ZNF592: variants seen among roughly 807,000 people sequenced by gnomAD.
ZNF592 encodes spinocerebellar ataxia, autosomal recessive 5.
ZNF592 carries 11 observed loss-of-function variants against 80.3 expected under a neutral mutation model. That is an observed-to-expected ratio of 0.14 (90% confidence interval 0.09 to 0.23). ZNF592 has a LOEUF of 0.23. Ranked by LOEUF, ZNF592 falls within the 10% of genes least tolerant of loss-of-function variation. The pLI, the probability that ZNF592 is intolerant of heterozygous loss-of-function variation, is 1.00. For missense variants in ZNF592, 1,420 were observed against 1,633.9 expected, an observed-to-expected ratio of 0.87 and a Z score of 2.26; for synonymous variants, 646 against 640.3, an observed-to-expected ratio of 1.01 and a Z score of -0.13.
chr15:84,784,257 C>G lies in ZNF592; in HGVS notation c.1582C>G (p.Arg528Gly). The G allele has an allele frequency of 6.2e-7, 1 of 1,614,246 alleles. No homozygotes were observed. The change falls in exon 4 of 11, where the codon CGG (arginine) becomes GGG (glycine). Residue 528 changes from arginine to glycine, a missense_variant. By Grantham distance (125) the Arg-to-Gly change is moderately radical. Around this residue, in one of 7 missense-constraint regions of ZNF592, gnomAD observed 524 missense variants for 628.3 expected, o/e 0.83. Transcript: ENST00000560079. The surrounding 1 kb of genome is among the most constrained non-coding windows in gnomAD (Gnocchi z 5.8). ...GACAGCCAAGTCTTCAGTGCAAAGA[C>G]GGAGCCAGCCACAGCTTACACAAAT... ...SVTAKSSVQRRSQPQLTQMSV... is the reference protein window; with the variant it reads ...SVTAKSSVQRGSQPQLTQMSV...
At chr15:84,779,128 G>C (rs1962350474) in intron 3 of ZNF592, among the ~76,000 whole-genome samples, 2 of 152,136 alleles carry the variant, frequency 1.3e-5, no homozygotes, top group Admixed American at 6.6e-5. Flanking sequence ...CTCTATAAGG[G>C]CTTTTTATGT....
intron 3 of ZNF592, among the ~76,000 whole-genome samples, chr15:84,780,534 C>T (rs1962390290): frequency 6.6e-6 from 1 of 152,180 alleles, no homozygotes; most frequent in African/African-American, 2.4e-5. Flanking sequence ...GTGGGGTATT[C>T]TGCCAACCCA....
intron 2 of ZNF592, among the ~76,000 whole-genome samples, chr15:84,766,706 A>AGTTGTGT (rs1899534131): frequency 7.1e-6 from 1 of 140,140 alleles, no homozygotes; most frequent in Non-Finnish European, 1.5e-5. Flanking sequence ...GATGAGAAAG[A>AGTTGTGT]GTGTGTGTGT....
chr15:84,777,552 G>T (rs1009995656), intron 2 of ZNF592, among the ~76,000 whole-genome samples: 2 of 151,700 alleles, frequency 1.3e-5, no homozygotes, highest in African/African-American at 4.8e-5. Context: ...GGCTCAAGCG[G>T]TCATCCCACC....
chr15:84,778,685 C>A (rs968398242), intron 3 of ZNF592, among the ~76,000 whole-genome samples: 1 of 152,162 alleles, frequency 6.6e-6, no homozygotes, highest in Non-Finnish European at 1.5e-5. Flanking sequence ...AACATTTCCC[C>A]CTGTGGAGAT....
Position 84,784,391 on chromosome 15 carries a change from C to T in ZNF592, c.1716C>T (p.Leu572=), listed in dbSNP as rs779211960. 12 of 1,614,114 alleles carry T rather than the reference C, an allele frequency of 7.4e-6. No individual in the cohort carries two copies. ...SNPVPLYAPN[L]SPPADSRIHV... ...CCGTGCCCCTCTATGCGCCAAATCT[C>T]AGCCCGCCTGCGGACAGCAGGATCC... Residue 572 remains leucine, a synonymous_variant, in exon 4 of 11, where the codon CTC becomes CTT. Coordinates refer to ENST00000560079, the MANE Select transcript of ZNF592 (RefSeq NM_014630.3). This position sits in a 1 kb window ranked among gnomAD's most constrained non-coding sequence, Gnocchi z 5.8.
intron 5 of ZNF592, among the ~76,000 whole-genome samples, chr15:84,794,549 C>T (rs369544056): frequency 6.6e-5 from 10 of 151,968 alleles, no homozygotes; most frequent in African/African-American, 2.2e-4. Flanking sequence ...TATCTCAGCT[C>T]ACTGCAACCT....
Position 84,799,150 on chromosome 15 carries a change from A to G in ZNF592, c.3077A>G (p.Asn1026Ser). Reference protein sequence around the residue: ...RQCEQSFHTPNSLRKHIRNNH... With the variant: ...RQCEQSFHTPSSLRKHIRNNH... ...TGTGAACAGTCCTTCCACACCCCCA[A>G]CAGCCTGCGCAAACACATCCGCAAC... Residue 1026 changes from asparagine (N) to serine (S), a missense_variant, in exon 9 of 11, where the codon AAC becomes AGC. Asn to Ser is a conservative substitution (Grantham distance 46). Around this residue, in one of 7 missense-constraint regions of ZNF592, gnomAD observed 331 missense variants for 347.0 expected, o/e 0.95. Transcript: ENST00000560079. This position sits in a 1 kb window ranked among gnomAD's most constrained non-coding sequence, Gnocchi z 4.2. 4.3e-6 allele frequency: 7 copies of G among 1,614,154 alleles called. No individual in the cohort carries two copies. The highest frequency in any genetic ancestry group is 5.9e-6 in the Non-Finnish European group (7 of 1,180,024).
At chr15:84,801,181 T>C (rs1222417529) in intron 10 of ZNF592, among the ~76,000 whole-genome samples, 1 of 152,176 alleles carries the variant, frequency 6.6e-6, no homozygotes, top group African/African-American at 2.4e-5. Context: ...ATAAATTAGC[T>C]GGGTGTGGTG....
At chr15:84,790,664 A>T (rs373072799) in intron 4 of ZNF592, 41 bp from the exon 5 acceptor site, 2 of 1,609,776 alleles carry the variant, frequency 1.2e-6, no homozygotes, top group East Asian at 4.5e-5. Context: ...CCACAGGCCT[A>T]TGGCCCCTGC....
chr15:84,773,786 G>A (rs1962162821), intron 2 of ZNF592, among the ~76,000 whole-genome samples: 1 of 151,752 alleles, frequency 6.6e-6, no homozygotes, highest in Admixed American at 6.6e-5. Flanking sequence ...TCATTAGAAA[G>A]CCCTTTCATT....
chr15:84,799,300 G>A lies in ZNF592; in HGVS notation c.3137+90G>A, dbSNP rs1963026567. 1.5e-6 allele frequency: 2 copies of A among 1,294,318 alleles called. No homozygotes were observed. Among genetic ancestry groups the A allele is most frequent in the African/African-American group, 1.5e-5 (1 of 68,642 alleles). The allele number at this position is 1,294,318 out of a possible 1,614,324, so 80.2% of individuals were successfully genotyped here. On this transcript the variant is annotated intron_variant, in intron 9 of 10. Transcript: ENST00000560079. This position sits in a 1 kb window ranked among gnomAD's most constrained non-coding sequence, Gnocchi z 4.2. ...GGGGCTTTTCTGTGCTGCAAGATCAGGTGTCTAAGACAAGAGACAAGTGAT... is the reference window on the plus strand; with the variant it reads ...GGGGCTTTTCTGTGCTGCAAGATCAAGTGTCTAAGACAAGAGACAAGTGAT...
At chr15:84,767,857 T>C (rs1290437257) in intron 2 of ZNF592, among the ~76,000 whole-genome samples, 1 of 151,920 alleles carries the variant, frequency 6.6e-6, no homozygotes, top group Admixed American at 6.6e-5. Context: ...TATTTTCTTT[T>C]TTTTTATTTG....
intron 1 of ZNF592, among the ~76,000 whole-genome samples, chr15:84,757,346 T>C (rs1899204935): frequency 6.7e-6 from 1 of 150,016 alleles, no homozygotes; most frequent in Non-Finnish European, 1.5e-5. Context: ...TTCCTTTTTT[T>C]TTTTTTTTTG....
chr15:84,776,950 A>T (rs1962271012), intron 2 of ZNF592, among the ~76,000 whole-genome samples: 1 of 150,322 alleles, frequency 6.7e-6, no homozygotes, highest in Non-Finnish European at 1.5e-5. Context: ...TACTCGGGAG[A>T]CTGGGTTGGA....
intron 2 of ZNF592, among the ~76,000 whole-genome samples, chr15:84,773,432 C>G (rs1272806940): frequency 2.6e-5 from 4 of 152,000 alleles, no homozygotes; most frequent in African/African-American, 7.2e-5. Flanking sequence ...AGGATGGTCT[C>G]GATCTCCTGA....
Position 84,799,239 on chromosome 15 carries a change from G to T in ZNF592, c.3137+29G>T. 2 of 1,605,208 alleles carry T rather than the reference G, an allele frequency of 1.2e-6. No homozygotes were observed. The highest frequency in any genetic ancestry group is 1.7e-6 in the Non-Finnish European group (2 of 1,171,882). ...AGTCCCTGGGGATAGTAGTGAGGAG[G>T]CCTGAGGTTCAAAAGACTCTGTCCG... is the stretch of plus-strand genomic sequence containing the variant. On this transcript the variant is annotated intron_variant, in intron 9 of 10. Coordinates refer to ENST00000560079, the MANE Select transcript of ZNF592 (RefSeq NM_014630.3). The surrounding 1 kb of genome is among the most constrained non-coding windows in gnomAD (Gnocchi z 4.2).
intron 1 of ZNF592, among the ~76,000 whole-genome samples, chr15:84,757,640 A>T (rs1326904772): frequency 6.8e-6 from 1 of 148,002 alleles, no homozygotes; most frequent in Non-Finnish European, 1.5e-5. Context: ...GGTGTGAGTC[A>T]CTGTGCCTGG....
intron 3 of ZNF592, among the ~76,000 whole-genome samples, chr15:84,780,418 A>T (rs535079174): frequency 6.6e-6 from 1 of 152,330 alleles, no homozygotes; most frequent in South Asian, 2.1e-4. Flanking sequence ...TTGAGTGCCC[A>T]CTGTTTTCAG....
Sources: gnomAD v4.1 joint callset for allele counts (sites outside exome capture counted in the v4.1 genomes callset) on GRCh38, gnomAD v4.1.1 for gene constraint, gnomAD v4.1.1 regional missense constraint, Gnocchi (gnomAD v3.1) non-coding constraint, MANE v1.5 for transcripts, NCBI Gene and HGNC (gene_info 2026-07-23, HGNC 2026-07-21) for gene names.